Variants in LRRC4C observed in about 807,000 individuals in gnomAD.
LRRC4C encodes the protein leucine rich repeat containing 4C.
In LRRC4C, 5 loss-of-function variants were observed where a neutral mutation model predicts 33.6. The ratio of observed to expected loss-of-function variants is 0.15; its 90% confidence interval spans 0.08 to 0.31. The LOEUF (loss-of-function observed/expected upper bound fraction) is 0.31, where lower values mean the gene tolerates loss of function less well. LRRC4C is among the 10% of genes least tolerant of loss of function. LRRC4C has a pLI of 1.00. For missense variants in LRRC4C, 560 were observed against 796.7 expected (o/e 0.70, Z 3.58); for synonymous variants, 329 against 302.0 (o/e 1.09, Z -0.93).
intron 2 of LRRC4C, among the ~76,000 whole-genome samples, chr11:40,709,613 C>T (rs1946358840): frequency 1.3e-5 from 2 of 152,094 alleles, no homozygotes; most frequent in Admixed American, 1.3e-4. Context: ...GGAAACTCGA[C>T]TTTTCTCTCT....
At chr11:40,268,468 T>G (rs2136317686) in intron 4 of LRRC4C, among the ~76,000 whole-genome samples, 1 of 152,292 alleles carries the variant, frequency 6.6e-6, no homozygotes, top group Admixed American at 6.5e-5. Flanking sequence ...CTTTATACTT[T>G]TATTACTTTA....
chr11:40,462,139 TTGA>T (rs1481995770), intron 3 of LRRC4C, among the ~76,000 whole-genome samples: 1 of 152,078 alleles, frequency 6.6e-6, no homozygotes, highest in Non-Finnish European at 1.5e-5. Context: ...CTGAAGTTTA[TTGA>T]TGATATAAGC....
chr11:40,794,003 A>C (rs1950725540), intron 2 of LRRC4C, among the ~76,000 whole-genome samples: 3 of 152,112 alleles, frequency 2.0e-5, no homozygotes, highest in Non-Finnish European at 4.4e-5. Context: ...ATATAAGCTG[A>C]CTAGGCTTCT....
chr11:41,207,024 T>C (rs1946628502), intron 1 of LRRC4C, among the ~76,000 whole-genome samples: 1 of 152,194 alleles, frequency 6.6e-6, no homozygotes, highest in Non-Finnish European at 1.5e-5. Context: ...TAGCAAAAAG[T>C]ATAATGTATA....
chr11:40,264,035 C>T (rs1282844809), intron 4 of LRRC4C, among the ~76,000 whole-genome samples: 2 of 152,146 alleles, frequency 1.3e-5, no homozygotes, highest in Non-Finnish European at 2.9e-5. Context: ...CTTGATTGAT[C>T]CATTATACTT....
intron 2 of LRRC4C, among the ~76,000 whole-genome samples, chr11:40,861,248 A>C (rs549463405): frequency 2.4e-4 from 37 of 152,308 alleles, no homozygotes; most frequent in African/African-American, 8.2e-4. Flanking sequence ...TGAGATCCTC[A>C]GATATGCAGA....
intron 2 of LRRC4C, among the ~76,000 whole-genome samples, chr11:40,738,637 C>G (rs887655789): frequency 6.6e-6 from 1 of 152,040 alleles, no homozygotes; most frequent in Non-Finnish European, 1.5e-5. Context: ...AGACACAAAA[C>G]TTTAGCTCTC....
chr11:40,592,044 T>A (rs951237397), intron 3 of LRRC4C, among the ~76,000 whole-genome samples: 2 of 149,688 alleles, frequency 1.3e-5, no homozygotes, highest in African/African-American at 2.6e-5. Context: ...CTCAAATAGA[T>A]GTTACATGTT....
chr11:40,566,707 C>A (rs1957782281), intron 3 of LRRC4C, among the ~76,000 whole-genome samples: 1 of 151,804 alleles, frequency 6.6e-6, no homozygotes, highest in Non-Finnish European at 1.5e-5. Context: ...ATTTTTCTTC[C>A]CTAAAGAAGG....
At chr11:40,992,863 A>G (rs952929243) in intron 1 of LRRC4C, among the ~76,000 whole-genome samples, 5 of 152,174 alleles carry the variant, frequency 3.3e-5, no homozygotes, top group African/African-American at 1.2e-4. Flanking sequence ...CTGACATACC[A>G]TAGAAACCCT....
intron 2 of LRRC4C, among the ~76,000 whole-genome samples, chr11:40,782,532 A>G (rs1366816010): frequency 6.6e-6 from 1 of 152,014 alleles, no homozygotes; most frequent in Non-Finnish European, 1.5e-5. Flanking sequence ...TTGAATCTCA[A>G]TTTACTTCAT....
intron 1 of LRRC4C, among the ~76,000 whole-genome samples, chr11:41,395,195 G>GA (rs1277445147): frequency 1.3e-5 from 2 of 151,914 alleles, no homozygotes; most frequent in Non-Finnish European, 1.5e-5. Context: ...AAAGAGCAGA[G>GA]AAAAAATGAG....
intron 1 of LRRC4C, among the ~76,000 whole-genome samples, chr11:41,448,576 G>C (rs1421482973): frequency 6.6e-6 from 1 of 152,046 alleles, no homozygotes; most frequent in Non-Finnish European, 1.5e-5. Flanking sequence ...AAAGTGCTGT[G>C]ATTACAGGCA....
intron 3 of LRRC4C, among the ~76,000 whole-genome samples, chr11:40,413,864 A>G (rs1029815315): frequency 1.3e-5 from 2 of 152,108 alleles, no homozygotes; most frequent in Admixed American, 1.3e-4. Flanking sequence ...GTTTGAATCA[A>G]TAGTAAATCA....
At chr11:41,000,231 G>A (rs355256) in intron 1 of LRRC4C, among the ~76,000 whole-genome samples, 2 of 151,878 alleles carry the variant, frequency 1.3e-5, no homozygotes, top group Non-Finnish European at 2.9e-5. Flanking sequence ...AATATATTTT[G>A]AAAAACTCCA....
intron 3 of LRRC4C, among the ~76,000 whole-genome samples, chr11:40,438,322 CA>C (rs1951231836): frequency 6.6e-6 from 1 of 152,170 alleles, no homozygotes; most frequent in Non-Finnish European, 1.5e-5. Context: ...AAAATAAAAA[CA>C]AAAACATAAA....
chr11:40,175,077 A>G (rs1860362475), intron 5 of LRRC4C, among the ~76,000 whole-genome samples: 3 of 152,216 alleles, frequency 2.0e-5, no homozygotes, highest in Non-Finnish European at 4.4e-5. Flanking sequence ...TACCATTACC[A>G]TGTAAGATAA....
chr11:40,572,133 C>A (rs1176146986), intron 3 of LRRC4C, among the ~76,000 whole-genome samples: 1 of 152,116 alleles, frequency 6.6e-6, no homozygotes, highest in East Asian at 1.9e-4. Flanking sequence ...AAAGCAGGAA[C>A]AAACAGTCAT....
At chr11:40,612,533 T>C (rs1246134118) in intron 3 of LRRC4C, among the ~76,000 whole-genome samples, 7 of 152,068 alleles carry the variant, frequency 4.6e-5, no homozygotes, top group South Asian at 2.1e-4. Context: ...GCAGATTTTA[T>C]GCTATATGTT....
Sources: allele counts gnomAD v4.1 joint callset (sites outside exome capture counted in the v4.1 genomes callset), GRCh38; gene constraint gnomAD v4.1.1; transcripts MANE v1.5; gene names NCBI Gene and HGNC (gene_info 2026-07-23, HGNC 2026-07-21).